GLI3: variants seen among roughly 807,000 people sequenced by gnomAD.
The protein encoded by GLI3 is transcription activator GLI3.
GLI3 carries 20 observed loss-of-function variants against 100.8 expected under a neutral mutation model. That is an observed-to-expected ratio of 0.20 (90% confidence interval 0.14 to 0.29). The LOEUF (loss-of-function observed/expected upper bound fraction) is 0.29. GLI3 is among the 10% of genes least tolerant of loss of function. The pLI is 1.00. For missense variants in GLI3, 2,040 were observed against 2,128.5 expected (o/e 0.96, Z 0.82); for synonymous variants, 938 against 860.5 (o/e 1.09, Z -1.58).
intron 2 of GLI3, among the ~76,000 whole-genome samples, chr7:42,149,280 C>A (rs1161412956): frequency 6.6e-6 from 1 of 152,216 alleles, no homozygotes; most frequent in Non-Finnish European, 1.5e-5. Context: ...TGGGTCCATA[C>A]ATTTCTTCAA....
chr7:42,145,899 T>C (rs1786695245), intron 3 of GLI3, among the ~76,000 whole-genome samples: 1 of 152,204 alleles, frequency 6.6e-6, no homozygotes, highest in African/African-American at 2.4e-5. Context: ...GGCAGTCATA[T>C]TATCACCCTA....
intron 10 of GLI3, among the ~76,000 whole-genome samples, chr7:41,979,129 C>A (rs192578530): frequency 6.6e-6 from 1 of 152,166 alleles, no homozygotes; most frequent in East Asian, 1.9e-4. Flanking sequence ...CCAAGGCTGG[C>A]GATTGAGGCT....
chr7:42,055,414 G>A (rs1338120990), intron 4 of GLI3, among the ~76,000 whole-genome samples: 1 of 151,858 alleles, frequency 6.6e-6, no homozygotes, highest in Non-Finnish European at 1.5e-5. Context: ...CCTTCCCTCC[G>A]GTTTCCACTT....
chr7:42,132,245 C>CACCCGCCACCACGCCT (rs1554332094), intron 3 of GLI3, among the ~76,000 whole-genome samples: 1 of 145,488 alleles, frequency 6.9e-6, no homozygotes, highest in African/African-American at 2.7e-5. Flanking sequence ...GGACTACAGG[C>CACCCGCCACCACGCCT]GCCCGCCACT....
rs187143299 is a variant in GLI3, at chr7:42,024,700, C to T, written c.1356+564G>A. ...AATTTAAGTGACTAGAGGCGGAGTC[C>T]GGATTGAAATCCTACACTCTTCCTT... On this transcript the variant is annotated intron_variant, in intron 9 of 14. Transcript: ENST00000395925. Among the ~76,000 whole-genome samples the T allele has an allele frequency of 1.1e-4, 17 of 152,318 alleles. No homozygotes were observed. In the East Asian group the frequency reaches 2.7e-3, roughly 24 times the overall value.
chr7:42,027,484 G>A (rs950316645), intron 7 of GLI3, among the ~76,000 whole-genome samples: 3 of 152,130 alleles, frequency 2.0e-5, no homozygotes, highest in African/African-American at 7.2e-5. Context: ...CCAATCTGGT[G>A]GGTTAATTAC....
At chr7:42,175,702 C>T (rs938069001) in intron 2 of GLI3, among the ~76,000 whole-genome samples, 5 of 151,718 alleles carry the variant, frequency 3.3e-5, no homozygotes, top group African/African-American at 1.2e-4. Flanking sequence ...ATATAAAAAG[C>T]ATAAACATTA....
In GLI3 at chr7:41,963,081, C is replaced by G. The variant is rs1787050712; in HGVS notation, c.*1249G>C. On this transcript the variant is annotated 3_prime_UTR_variant, in exon 15 of 15. Transcript: ENST00000395925. Reference sequence around the variant, plus strand: ...CATTTAACTTCGTGAATGGATGCAGCATTCAATAGACAGGGTGTGAAAAAA... The same window carrying G: ...CATTTAACTTCGTGAATGGATGCAGGATTCAATAGACAGGGTGTGAAAAAA... 2.6e-5 allele frequency: 4 copies of G among 152,336 alleles called. No homozygotes were observed. In the South Asian group the frequency reaches 8.3e-4, roughly 32 times the overall value. 9.4% of individuals were successfully genotyped at this position (152,336 alleles called of 1,614,324 possible). A position where few individuals can be genotyped will look rare whatever the true frequency, so the allele number is the denominator to read the frequency against.
intron 13 of GLI3, among the ~76,000 whole-genome samples, chr7:41,970,285 G>GT (rs1471865247): frequency 6.6e-6 from 1 of 152,018 alleles, no homozygotes; most frequent in Non-Finnish European, 1.5e-5. Context: ...TCAAAGACAT[G>GT]TTTTTTAAAG....
At chr7:41,978,279 A>G (rs1419420631) in intron 11 of GLI3, among the ~76,000 whole-genome samples, 1 of 152,148 alleles carries the variant, frequency 6.6e-6, no homozygotes, top group Non-Finnish European at 1.5e-5. Context: ...TTAAAAGTCA[A>G]CTTCAACTCT....
intron 7 of GLI3, among the ~76,000 whole-genome samples, chr7:42,027,370 A>C (rs963971326): frequency 6.6e-6 from 1 of 152,122 alleles, no homozygotes; most frequent in African/African-American, 2.4e-5. Flanking sequence ...AGTGAAAAAA[A>C]TATTTATATA....
At chr7:42,255,976 G>A (rs1324763236) in intron 1 of GLI3, among the ~76,000 whole-genome samples, 1 of 152,106 alleles carries the variant, frequency 6.6e-6, no homozygotes, top group Non-Finnish European at 1.5e-5. Flanking sequence ...CACACTTGGT[G>A]TTCACTTTTT....
At chr7:42,128,099 A>C (rs1238446065) in intron 3 of GLI3, among the ~76,000 whole-genome samples, 1 of 152,164 alleles carries the variant, frequency 6.6e-6, no homozygotes, top group East Asian at 1.9e-4. Flanking sequence ...AAATAGACTT[A>C]ATATGCAATA....
At chr7:42,025,128 C>T (rs1009479814) in intron 9 of GLI3, 136 bp downstream of exon 9, 7 of 660,588 alleles carry the variant, frequency 1.1e-5, no homozygotes, top group Middle Eastern at 8.2e-4. Flanking sequence ...ATGTAGAGTA[C>T]GGCCAAGGTC....
chr7:42,176,440 C>T (rs1787481071), intron 2 of GLI3, among the ~76,000 whole-genome samples: 1 of 151,730 alleles, frequency 6.6e-6, no homozygotes, highest in African/African-American at 2.4e-5. Context: ...GTTCCTCTCT[C>T]TCTTTCTCTC....
At chr7:42,123,377 G>C (rs1434339907) in intron 3 of GLI3, among the ~76,000 whole-genome samples, 1 of 152,136 alleles carries the variant, frequency 6.6e-6, no homozygotes, top group Non-Finnish European at 1.5e-5. Flanking sequence ...TAGCAAATGA[G>C]AGCAGTTTCA....
chr7:41,987,095 GACACAGACACACACACAC>G (rs1787849059), intron 10 of GLI3, among the ~76,000 whole-genome samples: 1 of 73,254 alleles, frequency 1.4e-5, no homozygotes, highest in African/African-American at 5.2e-5. Flanking sequence ...CACAGACACA[GACACAGACACACACACAC>G]ACACACACAC....
At chr7:42,069,181 G>T (rs938584296) in intron 4 of GLI3, among the ~76,000 whole-genome samples, 1 of 152,222 alleles carries the variant, frequency 6.6e-6, no homozygotes, top group African/African-American at 2.4e-5. Flanking sequence ...AAGAAGCTGG[G>T]GCTCAGACTC....
intron 2 of GLI3, among the ~76,000 whole-genome samples, chr7:42,209,026 G>A (rs112830577): frequency 6.6e-6 from 1 of 152,192 alleles, no homozygotes; most frequent in African/African-American, 2.4e-5. Flanking sequence ...TTTATCTGTA[G>A]AGTACCCTTC....
Sources: gnomAD v4.1 joint callset for allele counts (sites outside exome capture counted in the v4.1 genomes callset) on GRCh38, gnomAD v4.1.1 for gene constraint, MANE v1.5 for transcripts, NCBI Gene and HGNC (gene_info 2026-07-23, HGNC 2026-07-21) for gene names.